The following SLC25A53 variants were observed in gnomAD, a reference collection of about 807,000 sequenced individuals.
SLC25A53 encodes solute carrier family 25 member 53.
SLC25A53 carries 5 observed loss-of-function variants against 15.0 expected under a neutral mutation model. The observed-to-expected ratio is 0.33, with a 90% CI of 0.17 to 0.70. The LOEUF is 0.70. Ranked by LOEUF, SLC25A53 falls within the 30% of genes least tolerant of loss-of-function variation. The pLI, the probability that SLC25A53 is intolerant of heterozygous loss-of-function variation, is 0.67. For synonymous variants in SLC25A53, 95 were observed against 100.0 expected (o/e 0.95, Z 0.30); for missense variants, 216 against 241.6 (o/e 0.89, Z 0.70).
intron 1 of SLC25A53, among the ~76,000 whole-genome samples, chrX:104,106,315 G>C (rs1381093567): frequency 9.0e-6 from 1 of 111,368 alleles, no homozygotes; most frequent in Non-Finnish European, 1.9e-5. Context: ...GAAAAAAAAT[G>C]AATGCTCAGT....
chrX:104,106,160 C>T (rs782638587), intron 1 of SLC25A53, among the ~76,000 whole-genome samples: 3 of 110,661 alleles, frequency 2.7e-5, no homozygotes, highest in East Asian at 5.7e-4. Context: ...AAACTGCTCC[C>T]GGCTTAGAAC....
intron 1 of SLC25A53, among the ~76,000 whole-genome samples, chrX:104,120,295 A>G (rs782163384): frequency 1.3e-4 from 14 of 111,842 alleles, no homozygotes; most frequent in African/African-American, 4.5e-4. Flanking sequence ...ACCAAACTGT[A>G]TATCAAAGTT....
intron 1 of SLC25A53, among the ~76,000 whole-genome samples, chrX:104,132,365 A>T (rs1014381284): frequency 9.0e-6 from 1 of 111,683 alleles, no homozygotes; most frequent in African/African-American, 3.3e-5. Flanking sequence ...CTGGCTAATC[A>T]AGCTCCTTAT....
rs1556354757 is a variant in SLC25A53 at position 104,104,633 on chromosome X, G to T, written c.625C>A (p.Pro209Thr). 1 of 1,211,717 alleles carries T rather than the reference G, an allele frequency of 8.3e-7. No homozygotes were observed. The highest frequency in any genetic ancestry group is 2.2e-5 in the Admixed American group (1 of 46,063). Reference sequence around the variant, plus strand: ...GACACCAAGGCAGGAACCCAGTGGGGCAGGCCTTGCTCTGCCAGGCCATCC... The same window carrying T: ...GACACCAAGGCAGGAACCCAGTGGGTCAGGCCTTGCTCTGCCAGGCCATCC... ...IQDGLAEQGL[P>T]HWVPALVSGS... The change falls in exon 2 of 2, where the codon CCC becomes ACC. Residue 209 changes from proline (P) to threonine (T), a missense_variant. By Grantham distance (38) the Pro-to-Thr change is conservative. Transcript: ENST00000594199.
chrX:104,146,286 G>T (rs1556368884), intron 1 of SLC25A53, among the ~76,000 whole-genome samples: 2 of 111,858 alleles, frequency 1.8e-5, no homozygotes, highest in Non-Finnish European at 3.8e-5. Flanking sequence ...CAATAAACTA[G>T]GTATTGATGG....
At chrX:104,150,631 G>A (rs782016557) in intron 1 of SLC25A53, among the ~76,000 whole-genome samples, 7 of 112,045 alleles carry the variant, frequency 6.2e-5, no homozygotes, top group Non-Finnish European at 1.1e-4. Context: ...AACAGTGACC[G>A]GTGCTACTTT....
rs1195376121 is a variant in SLC25A53 at position 104,103,073 on chromosome X, G to A, written c.*1261C>T. The A allele has an allele frequency of 1.8e-5, 2 of 108,339 alleles. No individual in the cohort carries two copies. The highest frequency in any genetic ancestry group is 1.9e-5 in the Non-Finnish European group (1 of 52,396). The allele number at this position is 108,339 out of a possible 1,213,427, so 8.9% of individuals were successfully genotyped here. Reference sequence around the variant, plus strand: ...AATCACTTGAATCCGGGAGGTGGAGGTTGCAGTGAGCTGAGATCACACCAT... The same window carrying A: ...AATCACTTGAATCCGGGAGGTGGAGATTGCAGTGAGCTGAGATCACACCAT... On this transcript the variant is annotated 3_prime_UTR_variant, in exon 2 of 2. Transcript: ENST00000594199.
intron 1 of SLC25A53, among the ~76,000 whole-genome samples, chrX:104,152,083 G>GT (rs1556370441): frequency 9.0e-6 from 1 of 111,350 alleles, no homozygotes; most frequent in East Asian, 2.8e-4. Flanking sequence ...GTTTCGTGTT[G>GT]TTTTTTATTA....
chrX:104,143,678 T>C (rs944463290), intron 1 of SLC25A53, among the ~76,000 whole-genome samples: 1 of 112,000 alleles, frequency 8.9e-6, no homozygotes, highest in African/African-American at 3.2e-5. Context: ...GAAAACACTC[T>C]GCAGGATATT....
chrX:104,114,104 C>T (rs2075363327), intron 1 of SLC25A53: 2 of 1,211,583 alleles, frequency 1.7e-6, no homozygotes, highest in Non-Finnish European at 2.2e-6. Flanking sequence ...ACCCTATCGT[C>T]GTCAGTCATG....
intron 1 of SLC25A53, among the ~76,000 whole-genome samples, chrX:104,154,864 CA>C (rs1271692752): frequency 9.0e-6 from 1 of 111,111 alleles, no homozygotes; most frequent in Non-Finnish European, 1.9e-5. Flanking sequence ...GTTAGCACCA[CA>C]AAAAAACTAT....
chrX:104,156,432 A>G (rs1293704313), intron 1 of SLC25A53, among the ~76,000 whole-genome samples: 3 of 111,589 alleles, frequency 2.7e-5, no homozygotes, highest in Admixed American at 9.5e-5. Context: ...TACCCAGCAC[A>G]GAGCAGGTAC....
chrX:104,149,207 T>A (rs1250233412), intron 1 of SLC25A53, among the ~76,000 whole-genome samples: 3 of 112,510 alleles, frequency 2.7e-5, no homozygotes, highest in Non-Finnish European at 5.6e-5. Context: ...TTTACTTCAA[T>A]CCTTTTATGT....
chrX:104,117,797 T>A (rs1484857649), intron 1 of SLC25A53, among the ~76,000 whole-genome samples: 1 of 112,119 alleles, frequency 8.9e-6, no homozygotes, highest in Non-Finnish European at 1.9e-5. Flanking sequence ...CTATAAATGC[T>A]ATTGAATGAT....
At chrX:104,128,776 G>A (rs782317171) in intron 1 of SLC25A53, among the ~76,000 whole-genome samples, 3 of 106,833 alleles carry the variant, frequency 2.8e-5, no homozygotes, top group South Asian at 3.9e-4. Flanking sequence ...ACACACACAC[G>A]TACACACACA....
chrX:104,125,249 A>G (rs990203413), intron 1 of SLC25A53, among the ~76,000 whole-genome samples: 9 of 111,150 alleles, frequency 8.1e-5, no homozygotes, highest in Non-Finnish European at 1.1e-4. Context: ...ACACAAACAC[A>G]AACATATCTA....
chrX:104,119,828 A>C (rs1252698085), intron 1 of SLC25A53, among the ~76,000 whole-genome samples: 2 of 111,901 alleles, frequency 1.8e-5, no homozygotes, highest in African/African-American at 6.5e-5. Context: ...GCCCAATCAC[A>C]ACCTCTTTCC....
chrX:104,123,714 C>T (rs920346813), intron 1 of SLC25A53, among the ~76,000 whole-genome samples: 1 of 110,527 alleles, frequency 9.0e-6, no homozygotes, highest in Non-Finnish European at 1.9e-5. Context: ...CCTCCTCTAG[C>T]CCCCTACCCC....
At position 104,100,553 on chromosome X, in the gene SLC25A53, A is replaced by G. The variant is rs185925097; in HGVS notation, c.*3781T>C. ...CACAACTTTTAAGTGGAAAAAGTTG[A>G]CAGGTCTGTATAATTTTACAATATT... On this transcript the variant is annotated 3_prime_UTR_variant, in exon 2 of 2. Transcript: ENST00000594199. 13 of 111,988 alleles carry G rather than the reference A, an allele frequency of 1.2e-4. No individual in the cohort carries two copies. The highest frequency in any genetic ancestry group is 4.2e-4 in the African/African-American group (13 of 30,881). 9.2% of individuals were successfully genotyped at this position (111,988 alleles called of 1,213,427 possible). A position where few individuals can be genotyped will look rare whatever the true frequency, so the allele number is the denominator to read the frequency against.
Sources: allele counts gnomAD v4.1 joint callset (sites outside exome capture counted in the v4.1 genomes callset), GRCh38; gene constraint gnomAD v4.1.1; transcripts MANE v1.5; gene names NCBI Gene and HGNC (gene_info 2026-07-23, HGNC 2026-07-21).